AHRR: variants seen among roughly 807,000 people sequenced by gnomAD.
AHRR encodes the protein ahR repressor.
In AHRR, 28 loss-of-function variants were observed where a neutral mutation model predicts 44.0. The observed-to-expected ratio is 0.64, with a 90% CI of 0.47 to 0.87. AHRR has a LOEUF of 0.87. Ranked by LOEUF, AHRR falls within the 40% of genes least tolerant of loss-of-function variation. The pLI, the probability that AHRR is intolerant of heterozygous loss-of-function variation, is 0.00. For synonymous variants in AHRR, 434 were observed against 407.0 expected, an observed-to-expected ratio of 1.07 and a Z score of -0.80; for missense variants, 990 against 953.9, an observed-to-expected ratio of 1.04 and a Z score of -0.50.
chr5:427,311 C>T (rs898682721), intron 7 of AHRR, among the ~76,000 whole-genome samples: 1 of 152,204 alleles, frequency 6.6e-6, no homozygotes. Flanking sequence ...TCTCACTGTA[C>T]ACCCTAGATA....
At position 421,625 on chromosome 5, in the gene AHRR, C is replaced by T. The variant is rs1560920067; in HGVS notation, c.442-1104C>T. On this transcript the variant is annotated intron_variant, in intron 5 of 10. Transcript: ENST00000684583. ...GCACCGCGGGGATGCTGGCGCCGCC[C>T]TTTTCACCTCGAGGGGTCTCTGTTC... 2.0e-5 allele frequency among the ~76,000 whole-genome samples: 3 copies of T among 152,200 alleles called. No homozygotes were observed. In the South Asian group the frequency reaches 6.2e-4, roughly 32 times the overall value.
intron 4 of AHRR, among the ~76,000 whole-genome samples, chr5:402,148 C>T (rs150720328): frequency 3.5e-4 from 54 of 152,324 alleles, no homozygotes; most frequent in Admixed American, 2.9e-3. Flanking sequence ...ACCTGATAGA[C>T]GCTTCTCCAA....
intron 2 of AHRR, among the ~76,000 whole-genome samples, chr5:349,759 C>G (rs1036577254): frequency 3.3e-5 from 5 of 152,150 alleles, no homozygotes; most frequent in Non-Finnish European, 7.3e-5. Flanking sequence ...ACCTTGAAGT[C>G]TATACTCCTT....
intron 5 of AHRR, among the ~76,000 whole-genome samples, chr5:415,336 G>T (rs1735685757): frequency 6.7e-6 from 1 of 148,680 alleles, no homozygotes; most frequent in South Asian, 2.1e-4. Flanking sequence ...AATCTGCCTG[G>T]TGGGGCGGGA....
intron 3 of AHRR, among the ~76,000 whole-genome samples, chr5:366,725 G>A (rs1024095239): frequency 2.0e-5 from 3 of 152,298 alleles, no homozygotes; most frequent in Admixed American, 6.5e-5. Flanking sequence ...CCGGCATTGT[G>A]CACCCCGCAA....
intron 3 of AHRR, 123 bp from the exon 4 acceptor site, chr5:376,487 C>A: frequency 8.6e-5 from 3 of 34,914 alleles, no homozygotes; most frequent in Non-Finnish European, 1.6e-4. Flanking sequence ...TCAGTGCAGC[C>A]CAGGCCAGAT....
chr5:404,567 T>C lies in AHRR; in HGVS notation c.352-8777T>C, dbSNP rs376654636. ...GGCGTCCTGGGCCGGGGCAGGCGAT[T>C]GGTACTAAAATGGTAATTTTTATGT... On this transcript the variant is annotated intron_variant, in intron 4 of 10. Transcript: ENST00000684583. The surrounding 1 kb of genome is among the most constrained non-coding windows in gnomAD (Gnocchi z 4.1). 6 of 280,774 alleles carry C rather than the reference T, an allele frequency of 2.1e-5. No individual in the cohort carries two copies. The highest frequency in any genetic ancestry group is 1.8e-4 in the East Asian group (2 of 11,388). 17.4% of individuals were successfully genotyped at this position (280,774 alleles called of 1,614,324 possible). A position where few individuals can be genotyped will look rare whatever the true frequency, so the allele number is the denominator to read the frequency against.
chr5:398,100 C>T (rs1187859089), intron 4 of AHRR, among the ~76,000 whole-genome samples: 3 of 136,004 alleles, frequency 2.2e-5, no homozygotes, highest in Non-Finnish European at 4.6e-5. Context: ...TGACCATCCA[C>T]GTAGCTCCTG....
chr5:429,120 G>T (rs1040536569), intron 8 of AHRR, among the ~76,000 whole-genome samples: 2 of 152,224 alleles, frequency 1.3e-5, no homozygotes, highest in African/African-American at 4.8e-5. Context: ...TCTGCCTTGC[G>T]TGCTGGGAGA....
rs1560914300 is a variant in AHRR at position 413,340 on chromosome 5, CTAGTCTCT to C, written c.352-1_358del. ...TTTTTTTTTTGTTTTGTTTTTTCTT[CTAGTCTCT>C]TAATGGCTTTGCTCTGGTCGTGAGT... On this transcript the variant is annotated splice_acceptor_variant and splice_polypyrimidine_tract_variant and coding_sequence_variant and intron_variant, in exon 5 of 11. Transcript: ENST00000684583. 1 of 1,573,062 alleles carries C rather than the reference CTAGTCTCT, an allele frequency of 6.4e-7. No individual in the cohort carries two copies. The highest frequency in any genetic ancestry group is 2.0e-5 in the Admixed American group (1 of 51,156).
At chr5:371,614 C>T (rs1743584089) in intron 3 of AHRR, among the ~76,000 whole-genome samples, 1 of 152,108 alleles carries the variant, frequency 6.6e-6, no homozygotes, top group East Asian at 1.9e-4. Context: ...TGTCCTAGAC[C>T]CACCTGTCCT....
At chr5:416,040 C>A (rs918527824) in intron 5 of AHRR, among the ~76,000 whole-genome samples, 5 of 152,350 alleles carry the variant, frequency 3.3e-5, no homozygotes, top group African/African-American at 1.2e-4. Context: ...TTGTTTTCTG[C>A]ACCGTGGCTG....
chr5:383,563 C>CT lies in AHRR; in HGVS notation c.351+6860dup, dbSNP rs1308809408. ...TAATATAGCATTCCAGCTTTCTTTT[C>CT]TTTTTTTTTTTTTAATACAGACAGG... On this transcript the variant is annotated intron_variant, in intron 4 of 10. Transcript: ENST00000684583. The surrounding 1 kb of genome is among the most constrained non-coding windows in gnomAD (Gnocchi z 4.0). Among the ~76,000 whole-genome samples the CT allele has an allele frequency of 0.019, 2,755 of 141,798 alleles. 65 individuals are homozygous for CT. The highest frequency in any genetic ancestry group is 0.057 in the African/African-American group (2,226 of 39,008). The allele number at this position is 141,798 out of a possible 152,430, so 93.0% of individuals were successfully genotyped here.
At chr5:344,228 G>A (rs1742483793) in intron 2 of AHRR, among the ~76,000 whole-genome samples, 1 of 150,848 alleles carries the variant, frequency 6.6e-6, no homozygotes, top group South Asian at 2.1e-4. Flanking sequence ...GTGAGGCGCT[G>A]AGGCCAAGGA....
Position 355,636 on chromosome 5 carries a change from T to G in AHRR, c.244+1725T>G, listed in dbSNP as rs111969232. Among the ~76,000 whole-genome samples the G allele has an allele frequency of 3.9e-5, 6 of 152,348 alleles. 1 individual carries two copies. The highest frequency in any genetic ancestry group is 1.4e-4 in the African/African-American group (6 of 41,586). The stretch of plus-strand genomic sequence containing the variant: ...TCAGAAAGTCTTCGATTCTGGTGTT[T>G]CCAGCAAGTTTGGACACCTGGCTCT... On this transcript the variant is annotated intron_variant, in intron 3 of 10. Coordinates refer to ENST00000684583, the MANE Select transcript of AHRR (RefSeq NM_001377236.1).
At chr5:345,921 A>T (rs889517791) in intron 2 of AHRR, among the ~76,000 whole-genome samples, 6 of 152,146 alleles carry the variant, frequency 3.9e-5, no homozygotes, top group Non-Finnish European at 8.8e-5. Flanking sequence ...CATGTCCCGC[A>T]GGGAGACCTT....
intron 1 of AHRR, among the ~76,000 whole-genome samples, chr5:333,933 C>G (rs913611807): frequency 2.6e-5 from 4 of 152,128 alleles, no homozygotes; most frequent in African/African-American, 9.7e-5. Flanking sequence ...TCCCTCAGAT[C>G]GGCTTTTCTG....
chr5:344,943 G>C (rs12515707), intron 2 of AHRR, among the ~76,000 whole-genome samples: 1 of 82,710 alleles, frequency 1.2e-5, no homozygotes, highest in Admixed American at 1.3e-4. Context: ...GCTGTGTGTG[G>C]GGGGGGTGTG....
Position 370,426 on chromosome 5 carries a change from G to A in AHRR, c.245-6184G>A, listed in dbSNP as rs1042847836. Among the ~76,000 whole-genome samples the A allele has an allele frequency of 5.9e-5, 9 of 152,200 alleles. No homozygotes were observed. The highest frequency in any genetic ancestry group is 2.1e-4 in the South Asian group (1 of 4,830). ...AGAGCATCCCATCCAACTCCTGGACGGGAGAGGTGTCGTAAGGGTCCCTCA... is the reference window on the plus strand; with the variant it reads ...AGAGCATCCCATCCAACTCCTGGACAGGAGAGGTGTCGTAAGGGTCCCTCA... On this transcript the variant is annotated intron_variant, in intron 3 of 10. Transcript: ENST00000684583. The surrounding 1 kb of genome is among the most constrained non-coding windows in gnomAD (Gnocchi z 4.5).
Sources: gnomAD v4.1 joint callset for allele counts (sites outside exome capture counted in the v4.1 genomes callset) on GRCh38, gnomAD v4.1.1 for gene constraint, Gnocchi (gnomAD v3.1) non-coding constraint, MANE v1.5 for transcripts, NCBI Gene and HGNC (gene_info 2026-07-23, HGNC 2026-07-21) for gene names.